The following SLC16A7 variants were observed in gnomAD, a reference collection of about 807,000 sequenced individuals.
SLC16A7 encodes solute carrier family 16 member 7, also known as monocarboxylate transporter 2.
SLC16A7 carries 33 observed loss-of-function variants against 34.9 expected under a neutral mutation model. The ratio of observed to expected loss-of-function variants is 0.94; its 90% CI spans 0.72 to 1.26. SLC16A7 has a LOEUF of 1.26. SLC16A7 is among the 50% of genes most tolerant of loss of function. The pLI, the probability that SLC16A7 is intolerant of heterozygous loss-of-function variation, is 0.00. For missense variants in SLC16A7, 573 were observed against 578.1 expected (o/e 0.99, Z 0.09); for synonymous variants, 201 against 206.6 (o/e 0.97, Z 0.23).
rs1565717568 is a variant in SLC16A7, at chr12:59,775,143, CT to C, written c.852del (p.Leu285CysfsTer16). ...KDQGIDEYSA[A>X]FLLSVMAFVD... Reference sequence around the variant, plus strand: ...CAAGGAATTGATGAGTACTCGGCAGCTTTTCTGCTATCTGTTATGGCTTTCG... The same window carrying C: ...CAAGGAATTGATGAGTACTCGGCAGCTTTCTGCTATCTGTTATGGCTTTCG... On this transcript the variant is annotated frameshift_variant, in exon 5 of 6. Transcript: ENST00000547379. LOFTEE classifies it high-confidence loss of function. 6.2e-7 allele frequency: 1 copy of C among 1,614,084 alleles called. No individual in the cohort carries two copies. The highest frequency in any genetic ancestry group is 1.7e-5 in the Admixed American group (1 of 59,992).
At chr12:59,680,085 G>A (rs1201226665) in intron 2 of SLC16A7, among the ~76,000 whole-genome samples, 3 of 152,098 alleles carry the variant, frequency 2.0e-5, no homozygotes, top group Non-Finnish European at 4.4e-5. Context: ...TAACTTTACT[G>A]GCATCAAGGA....
At chr12:59,717,548 T>A (rs1194604360) in intron 3 of SLC16A7, among the ~76,000 whole-genome samples, 1 of 152,156 alleles carries the variant, frequency 6.6e-6, no homozygotes, top group African/African-American at 2.4e-5. Flanking sequence ...ATTCCTTAAA[T>A]CGAACATGAT....
chr12:59,702,007 C>T (rs909213268), intron 2 of SLC16A7, among the ~76,000 whole-genome samples: 5 of 151,750 alleles, frequency 3.3e-5, no homozygotes, highest in Non-Finnish European at 5.9e-5. Context: ...TGTTTTTACA[C>T]GCTGATTATA....
At chr12:59,667,600 T>C (rs1455050543) in intron 2 of SLC16A7, among the ~76,000 whole-genome samples, 1 of 152,148 alleles carries the variant, frequency 6.6e-6, no homozygotes, top group African/African-American at 2.4e-5. Flanking sequence ...GCCAAAGTGT[T>C]CAAGAGGAAG....
chr12:59,720,286 G>A, intron 3 of SLC16A7: 1 of 508,094 alleles, frequency 2.0e-6, no homozygotes, highest in Non-Finnish European at 3.4e-6. Flanking sequence ...TCATAAATTT[G>A]GTCTATGTTT....
chr12:59,610,801 T>A (rs796145425), intron 1 of SLC16A7, among the ~76,000 whole-genome samples: 13 of 152,338 alleles, frequency 8.5e-5, no homozygotes, highest in African/African-American at 2.9e-4. Flanking sequence ...AATACATAAT[T>A]GAGATAATAT....
At chr12:59,604,346 T>A (rs2136958784) in intron 1 of SLC16A7, among the ~76,000 whole-genome samples, 1 of 152,298 alleles carries the variant, frequency 6.6e-6, no homozygotes, top group South Asian at 2.1e-4. Flanking sequence ...AATAAATAAA[T>A]GAATAAACCA....
chr12:59,708,458 C>T (rs1258375057), intron 3 of SLC16A7, among the ~76,000 whole-genome samples: 1 of 152,030 alleles, frequency 6.6e-6, no homozygotes, highest in East Asian at 1.9e-4. Context: ...TTTTCTTACA[C>T]TATGTGAAAT....
intron 3 of SLC16A7, among the ~76,000 whole-genome samples, chr12:59,738,497 G>A (rs1186607445): frequency 6.6e-6 from 1 of 152,118 alleles, no homozygotes; most frequent in Non-Finnish European, 1.5e-5. Flanking sequence ...ACTGGTTATG[G>A]GAGAAGGCCT....
At chr12:59,706,360 C>T (rs1017839686) in intron 3 of SLC16A7, among the ~76,000 whole-genome samples, 4 of 105,526 alleles carry the variant, frequency 3.8e-5, no homozygotes, top group Non-Finnish European at 7.7e-5. Context: ...TGAAATAATT[C>T]CCTGTGTGTG....
At position 59,716,355 on chromosome 12, in the gene SLC16A7, C is replaced by T. The variant is rs949286039; in HGVS notation, c.217+11337C>T. On this transcript the variant is annotated intron_variant, in intron 3 of 5. Coordinates refer to ENST00000547379, the MANE Select transcript of SLC16A7 (RefSeq NM_001270623.2). Reference sequence around the variant, plus strand: ...AACCGTTAAATAGAACTCCGATCTACGTCAGATTCATCTCTTCTTCTTATA... The same window carrying T: ...AACCGTTAAATAGAACTCCGATCTATGTCAGATTCATCTCTTCTTCTTATA... 2.0e-5 allele frequency among the ~76,000 whole-genome samples: 3 copies of T among 151,946 alleles called. 1 individual carries two copies. The highest frequency in any genetic ancestry group is 1.3e-4 in the Admixed American group (2 of 15,236).
chr12:59,752,329 C>G (rs1879683372), intron 3 of SLC16A7, among the ~76,000 whole-genome samples: 1 of 151,996 alleles, frequency 6.6e-6, no homozygotes, highest in African/African-American at 2.4e-5. Flanking sequence ...GAAATTCAAA[C>G]CAAAGGCAAA....
chr12:59,664,744 G>C (rs1441959039), intron 2 of SLC16A7: 1 of 152,100 alleles, frequency 6.6e-6, no homozygotes, highest in Non-Finnish European at 1.5e-5. Context: ...TGAACTAATA[G>C]TGCACGTCAA....
At chr12:59,689,166 A>G (rs1871371176) in intron 2 of SLC16A7, among the ~76,000 whole-genome samples, 1 of 152,036 alleles carries the variant, frequency 6.6e-6, no homozygotes, top group African/African-American at 2.4e-5. Context: ...TTTAATGTAT[A>G]TATAATAGTT....
At chr12:59,763,608 A>G (rs74096450) in intron 3 of SLC16A7, among the ~76,000 whole-genome samples, 1,651 of 152,260 alleles carry the variant, frequency 0.011, 22 homozygotes, top group African/African-American at 0.038. Context: ...TCAAAAAATT[A>G]AAATACAGGT....
At chr12:59,761,614 C>T (rs1465002646) in intron 3 of SLC16A7, among the ~76,000 whole-genome samples, 1 of 152,084 alleles carries the variant, frequency 6.6e-6, no homozygotes, top group Non-Finnish European at 1.5e-5. Flanking sequence ...AGATTGCTCT[C>T]TAAAAATATG....
chr12:59,659,685 A>T (rs574685252), intron 2 of SLC16A7, among the ~76,000 whole-genome samples: 10 of 152,208 alleles, frequency 6.6e-5, no homozygotes, highest in Non-Finnish European at 1.2e-4. Context: ...GGGGTTTCTC[A>T]TTTGAACTTA....
intron 1 of SLC16A7, among the ~76,000 whole-genome samples, chr12:59,615,809 A>G (rs1879423707): frequency 6.6e-6 from 1 of 152,164 alleles, no homozygotes; most frequent in Non-Finnish European, 1.5e-5. Flanking sequence ...TTTATTCATG[A>G]GAGATGTGAA....
At chr12:59,667,659 A>T (rs904874122) in intron 2 of SLC16A7, among the ~76,000 whole-genome samples, 1 of 152,216 alleles carries the variant, frequency 6.6e-6, no homozygotes, top group African/African-American at 2.4e-5. Context: ...GCAGTAGAGA[A>T]GAAAAACCCA....
Sources: gnomAD v4.1 joint callset for allele counts (sites outside exome capture counted in the v4.1 genomes callset) on GRCh38, gnomAD v4.1.1 for gene constraint, MANE v1.5 for transcripts, NCBI Gene and HGNC (gene_info 2026-07-23, HGNC 2026-07-21) for gene names.